CATSPERG: variants seen among roughly 807,000 people sequenced by gnomAD.
CATSPERG encodes the protein catsper channel auxiliary subunit gamma.
A neutral mutation model predicts 145.0 loss-of-function variants in CATSPERG; 115 were observed. The observed-to-expected ratio is 0.79, with a 90% confidence interval of 0.68 to 0.93. The LOEUF is 0.93. CATSPERG is among the 40% of genes least tolerant of loss of function. The pLI is 0.00. For synonymous variants in CATSPERG, 588 were observed against 589.0 expected, an observed-to-expected ratio of 1.00 and a Z score of 0.02; for missense variants, 1,296 against 1,490.1, an observed-to-expected ratio of 0.87 and a Z score of 2.14.
intron 17 of CATSPERG, 169 bp downstream of exon 17, chr19:38,362,030 G>C: frequency 1.1e-6 from 1 of 931,708 alleles, no homozygotes; most frequent in South Asian, 1.6e-5. Flanking sequence ...GGACTTCCAG[G>C]GGAAGGCGTT....
chr19:38,367,747 A>C lies in CATSPERG; in HGVS notation c.2901A>C (p.Glu967Asp), dbSNP rs1337183963. Residue 967 changes from glutamate to aspartate, a missense_variant, in exon 25 of 29, where the codon GAA (glutamate) becomes GAC (aspartate). Glu to Asp is a conservative substitution (Grantham distance 45, BLOSUM62 2). Coordinates refer to ENST00000409235, the MANE Select transcript of CATSPERG (RefSeq NM_021185.5). Reference protein sequence around the residue: ...LDSLKDYSEDEIYRFNSPLDK... With the variant: ...LDSLKDYSEDDIYRFNSPLDK... Reference sequence around the variant, plus strand: ...GCCTCAAGGACTACAGTGAGGACGAAATCTACCGCTTCAACAGCCCCCTGG... The same window carrying C: ...GCCTCAAGGACTACAGTGAGGACGACATCTACCGCTTCAACAGCCCCCTGG... 1.9e-6 allele frequency: 3 copies of C among 1,613,918 alleles called. No homozygotes were observed. The highest frequency in any genetic ancestry group is 1.7e-5 in the Admixed American group (1 of 59,988).
intron 23 of CATSPERG, 43 bp from the exon 24 acceptor site, chr19:38,367,466 A>C (rs1383784200): frequency 1.9e-6 from 3 of 1,597,942 alleles, no homozygotes; most frequent in South Asian, 1.1e-5. Flanking sequence ...TCTCGGGCCA[A>C]GCTAATTTCT....
At position 38,345,322 on chromosome 19, in the gene CATSPERG, G is replaced by C. The variant is rs1424520974; in HGVS notation, c.669+954G>C. Among the ~76,000 whole-genome samples the C allele has an allele frequency of 3.3e-5, 5 of 152,014 alleles. No individual in the cohort carries two copies. In the East Asian group the frequency reaches 9.7e-4, roughly 29 times the overall value. On this transcript the variant is annotated intron_variant, in intron 6 of 28. Transcript: ENST00000409235. Reference sequence around the variant, plus strand: ...CTGCCACCCAGGCTGGAGTGCAGGGGAACGACCTCGTCAGGCTCAGGTGAT... The same window carrying C: ...CTGCCACCCAGGCTGGAGTGCAGGGCAACGACCTCGTCAGGCTCAGGTGAT...
Position 38,352,352 on chromosome 19 carries a change from C to T in CATSPERG, c.917C>T (p.Thr306Ile). Residue 306 changes from threonine to isoleucine, a missense_variant, in exon 8 of 29, where the codon ACC becomes ATC. Transcript: ENST00000409235. Reference sequence around the variant, plus strand: ...TATGACACTATTGCCACCGAGAGCACCCTCTTCATTCGGCAGAACCAGCTG... The same window carrying T: ...TATGACACTATTGCCACCGAGAGCATCCTCTTCATTCGGCAGAACCAGCTG... ...TIYDTIATES[T>I]LFIRQNQLVY... 6.4e-7 allele frequency: 1 copy of T among 1,551,824 alleles called. No homozygotes were observed. Among genetic ancestry groups the T allele is most frequent in the South Asian group, 1.2e-5 (1 of 84,062 alleles).
chr19:38,350,145 C>T (rs1363839373), intron 7 of CATSPERG, among the ~76,000 whole-genome samples: 2 of 152,092 alleles, frequency 1.3e-5, no homozygotes, highest in African/African-American at 4.8e-5. Flanking sequence ...ACTGACATTC[C>T]ACTAGTGAGA....
intron 14 of CATSPERG, chr19:38,359,950 C>G (rs1488343559): frequency 2.6e-5 from 27 of 1,036,032 alleles, no homozygotes; most frequent in Non-Finnish European, 3.1e-5. Flanking sequence ...CTGGCCCCGT[C>G]TGGGGGCTTG....
chr19:38,356,128 T>C (rs1161488067), intron 9 of CATSPERG, among the ~76,000 whole-genome samples: 2 of 152,156 alleles, frequency 1.3e-5, no homozygotes, highest in African/African-American at 2.4e-5. Flanking sequence ...TATTCCTCCA[T>C]GGAGGTTAAA....
At chr19:38,366,409 G>A (rs1371557798) in intron 22 of CATSPERG, 1 of 152,502 alleles carries the variant, frequency 6.6e-6, no homozygotes, top group Non-Finnish European at 1.5e-5. Context: ...CAAGGAGGAA[G>A]TGTGATTGCA....
chr19:38,360,454 C>T, intron 14 of CATSPERG, 35 bp from the exon 15 acceptor site: 1 of 1,612,210 alleles, frequency 6.2e-7, no homozygotes. Context: ...ACCCCATGGT[C>T]CTGACACACA....
rs548187623 is a variant in CATSPERG at position 38,341,898 on chromosome 19, G to A, written c.325-1682G>A. On this transcript the variant is annotated intron_variant, in intron 3 of 28. Transcript: ENST00000409235. Reference sequence around the variant, plus strand: ...GCCTGGGCAACAAGTGCAAAACTCCGTCTCGGAAAAAAAATAAAAAATAAA... The same window carrying A: ...GCCTGGGCAACAAGTGCAAAACTCCATCTCGGAAAAAAAATAAAAAATAAA... Among the ~76,000 whole-genome samples the A allele has an allele frequency of 1.3e-4, 20 of 150,890 alleles. No homozygotes were observed. In the South Asian group the frequency reaches 3.6e-3, roughly 27 times the overall value.
intron 8 of CATSPERG, among the ~76,000 whole-genome samples, chr19:38,353,696 C>CAA (rs34301376): frequency 0.014 from 850 of 60,262 alleles, 12 homozygotes; most frequent in Middle Eastern, 0.034. Flanking sequence ...GATGCCATCT[C>CAA]AAAAAAAAAA....
In CATSPERG at chr19:38,343,512, C is replaced by T. The variant is rs1045836763; in HGVS notation, c.325-68C>T. The T allele has an allele frequency of 3.0e-5, 42 of 1,388,244 alleles. No individual in the cohort carries two copies. The East Asian group carries it at 9.3e-4, about 31-fold the overall frequency. The allele number at this position is 1,388,244 out of a possible 1,614,324, so 86.0% of individuals were successfully genotyped here. ...AGCCCAGGAGACAGACTGTTAGAGG[C>T]GGGCTTAAGGCAGGGGGCACCCAGA... On this transcript the variant is annotated intron_variant, in intron 3 of 28. Coordinates refer to ENST00000409235, the MANE Select transcript of CATSPERG (RefSeq NM_021185.5).
intron 22 of CATSPERG, chr19:38,365,333 G>A (rs904212940): frequency 2.4e-5 from 13 of 543,078 alleles, no homozygotes; most frequent in East Asian, 1.3e-4. Flanking sequence ...GCTGGAGTGC[G>A]GCGGCGCGGT....
chr19:38,340,780 A>G (rs1197836391), intron 3 of CATSPERG, among the ~76,000 whole-genome samples: 3 of 151,906 alleles, frequency 2.0e-5, no homozygotes, highest in African/African-American at 4.8e-5. Flanking sequence ...CCATCACACC[A>G]GTGTACTTTC....
intron 22 of CATSPERG, 107 bp from the exon 23 acceptor site, chr19:38,367,049 C>T: frequency 9.8e-7 from 1 of 1,024,872 alleles, no homozygotes. Flanking sequence ...AGCCAGGCAG[C>T]TGGTGGTGGT....
rs1437753020 is a variant in CATSPERG at position 38,346,437 on chromosome 19, C to A, written c.670-13C>A. The A allele has an allele frequency of 6.6e-7, 1 of 1,526,242 alleles. No homozygotes were observed. Among genetic ancestry groups the A allele is most frequent in the Admixed American group, 2.0e-5 (1 of 50,110 alleles). The allele number at this position is 1,526,242 out of a possible 1,614,324, so 94.5% of individuals were successfully genotyped here. A position where few individuals can be genotyped will look rare whatever the true frequency, so the allele number is the denominator to read the frequency against. ...GGGAGAGTGTTGGCGTCCCTCCTGT[C>A]CCTCCTTGGCAGCTCTTCAACCTGA... On this transcript the variant is annotated splice_polypyrimidine_tract_variant and intron_variant, in intron 6 of 28. Transcript: ENST00000409235.
At chr19:38,365,339 G>A (rs570207852) in intron 22 of CATSPERG, 81 of 530,520 alleles carry the variant, frequency 1.5e-4, no homozygotes, top group South Asian at 1.2e-3. Flanking sequence ...GTGCGGCGGC[G>A]CGGTCTTGGC....
At position 38,362,663 on chromosome 19, in the gene CATSPERG, G is replaced by T. The variant is rs1240347568; in HGVS notation, c.2357-51G>T. 3.1e-6 allele frequency: 5 copies of T among 1,605,362 alleles called. No individual in the cohort carries two copies. The South Asian group carries it at 4.4e-5, about 14-fold the overall frequency. ...GGGGGGCGGGGACACCATCGGAGGG[G>T]CGGGGCCTGTCTGTGAGGGAGGCCT... On this transcript the variant is annotated intron_variant, in intron 19 of 28. Coordinates refer to ENST00000409235, the MANE Select transcript of CATSPERG (RefSeq NM_021185.5).
At chr19:38,356,713 C>T (rs775163239) in intron 10 of CATSPERG, 29 bp from the exon 11 acceptor site, 32 of 1,612,126 alleles carry the variant, frequency 2.0e-5, no homozygotes, top group Admixed American at 6.7e-5. Flanking sequence ...AGCCCTGGGG[C>T]GGCTCTGGAC....
Sources: allele counts gnomAD v4.1 joint callset (sites outside exome capture counted in the v4.1 genomes callset), GRCh38; gene constraint gnomAD v4.1.1; transcripts MANE v1.5; gene names NCBI Gene and HGNC (gene_info 2026-07-23, HGNC 2026-07-21).